FAM13A: variants seen among roughly 807,000 people sequenced by gnomAD.
FAM13A encodes protein FAM13A.
Under a neutral mutation model 129.6 loss-of-function variants are expected in FAM13A, and 76 were observed. That is an observed-to-expected ratio of 0.59 (90% CI 0.49 to 0.71). The LOEUF (loss-of-function observed/expected upper bound fraction) is 0.71. Ranked by LOEUF, FAM13A falls within the 30% of genes least tolerant of loss-of-function variation. FAM13A has a pLI of 0.00. For synonymous variants in FAM13A, 443 were observed against 449.9 expected, an observed-to-expected ratio of 0.98 and a Z score of 0.20; for missense variants, 1,108 against 1,249.3, an observed-to-expected ratio of 0.89 and a Z score of 1.70.
chr4:88,877,464 A>T (rs1157931467), intron 6 of FAM13A, among the ~76,000 whole-genome samples: 3 of 152,240 alleles, frequency 2.0e-5, no homozygotes, highest in Non-Finnish European at 4.4e-5. Flanking sequence ...GAATTATTGT[A>T]GAAAGTCCTT....
At chr4:88,900,510 A>C (rs1747115097) in intron 6 of FAM13A, among the ~76,000 whole-genome samples, 1 of 152,160 alleles carries the variant, frequency 6.6e-6, no homozygotes, top group Non-Finnish European at 1.5e-5. Context: ...CTTAAAAAAA[A>C]GAATTTCCAA....
At chr4:88,882,462 A>G (rs1743741076) in intron 6 of FAM13A, among the ~76,000 whole-genome samples, 2 of 152,054 alleles carry the variant, frequency 1.3e-5, no homozygotes, top group Non-Finnish European at 1.5e-5. Flanking sequence ...TCTTTTTCAG[A>G]CAATGCTGAG....
intron 6 of FAM13A, among the ~76,000 whole-genome samples, chr4:88,861,245 G>A (rs1041154813): frequency 6.6e-6 from 1 of 151,932 alleles, no homozygotes; most frequent in Non-Finnish European, 1.5e-5. Context: ...GCCAAGCATG[G>A]TTGTGCATGC....
intron 3 of FAM13A, among the ~76,000 whole-genome samples, chr4:88,998,644 T>A (rs4450885): frequency 0.79 from 120,903 of 152,156 alleles, 48,276 homozygotes; most frequent in Middle Eastern, 0.88. Flanking sequence ...TAAGGCTGCA[T>A]GGGCACAAAA....
At chr4:88,970,188 T>C (rs984592453) in intron 4 of FAM13A, among the ~76,000 whole-genome samples, 2 of 152,234 alleles carry the variant, frequency 1.3e-5, no homozygotes, top group African/African-American at 4.8e-5. Context: ...CTTGTTTACA[T>C]CTGAGAAAAC....
At position 88,829,160 on chromosome 4, in the gene FAM13A, T is replaced by C. The variant is rs764804255; in HGVS notation, c.1007+21860A>G. Among the ~76,000 whole-genome samples, 98 of 152,234 alleles carry C rather than the reference T, an allele frequency of 6.4e-4. 1 individual carries two copies. The highest frequency in any genetic ancestry group is 1.3e-4 in the Non-Finnish European group (9 of 68,054). On this transcript the variant is annotated intron_variant, in intron 7 of 23. Coordinates refer to ENST00000264344, the MANE Select transcript of FAM13A (RefSeq NM_014883.4). ...ACAGTAATGTATTTTCAGATATTGT[T>C]TTAAAATCAGATAGGTTTATTTCCT...
At chr4:88,791,396 C>T (rs1002964165) in intron 8 of FAM13A, among the ~76,000 whole-genome samples, 3 of 151,978 alleles carry the variant, frequency 2.0e-5, no homozygotes, top group African/African-American at 7.2e-5. Flanking sequence ...CAGAACTTTC[C>T]CCCTCATGCC....
At chr4:88,952,561 A>G (rs1467725496) in intron 4 of FAM13A, among the ~76,000 whole-genome samples, 2 of 152,218 alleles carry the variant, frequency 1.3e-5, no homozygotes, top group Non-Finnish European at 2.9e-5. Context: ...AAAGAAGATC[A>G]TATTATTCTT....
At chr4:88,873,383 T>C (rs533760950) in intron 6 of FAM13A, among the ~76,000 whole-genome samples, 1 of 152,108 alleles carries the variant, frequency 6.6e-6, no homozygotes, top group Non-Finnish European at 1.5e-5. Context: ...ACAAAATTGA[T>C]AGACTGCTAG....
At chr4:88,733,811 T>G (rs1298306833) in intron 21 of FAM13A, among the ~76,000 whole-genome samples, 1 of 152,176 alleles carries the variant, frequency 6.6e-6, no homozygotes, top group South Asian at 2.1e-4. Context: ...CTAACAGAGT[T>G]AGGGACAGCT....
chr4:88,804,277 A>G (rs752615481), intron 8 of FAM13A, among the ~76,000 whole-genome samples: 26 of 152,122 alleles, frequency 1.7e-4, no homozygotes, highest in Non-Finnish European at 3.7e-4. Context: ...ATAAAATAAA[A>G]TAAATAAAAA....
rs950505503 is a variant in FAM13A at position 89,029,872 on chromosome 4, T to C, written c.28-223A>G. On this transcript the variant is annotated intron_variant, in intron 1 of 23. Coordinates refer to ENST00000264344, the MANE Select transcript of FAM13A (RefSeq NM_014883.4). ...GAAAAACCTAAAGCCACAAATGAAG[T>C]GTGCAGCTAAGAGAGGGAGCAATAC... 9 of 559,052 alleles carry C rather than the reference T, an allele frequency of 1.6e-5. No homozygotes were observed. In the African/African-American group the frequency reaches 1.8e-4, roughly 11 times the overall value. 34.6% of individuals were successfully genotyped at this position (559,052 alleles called of 1,614,324 possible).
intron 14 of FAM13A, among the ~76,000 whole-genome samples, chr4:88,753,057 A>C (rs1449744113): frequency 6.6e-6 from 1 of 152,178 alleles, no homozygotes; most frequent in Non-Finnish European, 1.5e-5. Flanking sequence ...TTAGTTTGAC[A>C]TTTCTATTCA....
intron 10 of FAM13A, among the ~76,000 whole-genome samples, chr4:88,787,027 G>A (rs1724106908): frequency 1.3e-5 from 2 of 151,926 alleles, no homozygotes; most frequent in South Asian, 4.2e-4. Context: ...AACTTTCAGG[G>A]AAAATATATG....
At chr4:88,792,032 G>C (rs1725278365) in intron 8 of FAM13A, among the ~76,000 whole-genome samples, 1 of 152,044 alleles carries the variant, frequency 6.6e-6, no homozygotes, top group African/African-American at 2.4e-5. Flanking sequence ...AAAATCATGT[G>C]ATTAGGTAAA....
chr4:88,857,797 A>G (rs1195226999), intron 6 of FAM13A, among the ~76,000 whole-genome samples: 1 of 152,098 alleles, frequency 6.6e-6, no homozygotes, highest in Admixed American at 6.6e-5. Flanking sequence ...TTCCAGCAGA[A>G]ATGTTTGTGG....
intron 3 of FAM13A, among the ~76,000 whole-genome samples, chr4:89,016,406 C>G (rs1055159427): frequency 6.6e-6 from 1 of 151,924 alleles, no homozygotes; most frequent in African/African-American, 2.4e-5. Context: ...TTACTGAAGA[C>G]AAAACAAATT....
At chr4:88,803,315 T>G (rs1025087614) in intron 8 of FAM13A, among the ~76,000 whole-genome samples, 1 of 152,182 alleles carries the variant, frequency 6.6e-6, no homozygotes, top group Admixed American at 6.5e-5. Flanking sequence ...TTCATTCTCT[T>G]TTTCCCCCTA....
chr4:88,850,199 T>A (rs1335438785), intron 7 of FAM13A, among the ~76,000 whole-genome samples: 1 of 152,136 alleles, frequency 6.6e-6, no homozygotes, highest in Non-Finnish European at 1.5e-5. Context: ...TTATAGTAAT[T>A]CTAGTAGTAA....
Sources: gnomAD v4.1 joint callset for allele counts (sites outside exome capture counted in the v4.1 genomes callset) on GRCh38, gnomAD v4.1.1 for gene constraint, MANE v1.5 for transcripts, NCBI Gene and HGNC (gene_info 2026-07-23, HGNC 2026-07-21) for gene names.